AFF2: variants seen among roughly 807,000 people sequenced by gnomAD.
AFF2 encodes AF4/FMR2 family member 2.
A neutral mutation model predicts 76.9 loss-of-function variants in AFF2; 14 were observed. The observed-to-expected ratio is 0.18, with a 90% CI of 0.12 to 0.28. The LOEUF (loss-of-function observed/expected upper bound fraction) is 0.28. Among genes scored for constraint, AFF2 ranks in the 10% least tolerant of loss-of-function variants. AFF2 has a pLI of 1.00. For missense variants in AFF2, 868 were observed against 1,001.1 expected (o/e 0.87, Z 1.79); for synonymous variants, 398 against 366.7 (o/e 1.09, Z -0.98).
intron 3 of AFF2, among the ~76,000 whole-genome samples, chrX:148,743,604 A>G (rs1485012284): frequency 9.1e-6 from 1 of 110,066 alleles, no homozygotes; most frequent in East Asian, 2.9e-4. Context: ...TTTATTTCCT[A>G]TTTTCTTCTT....
chrX:148,605,582 C>T (rs782761692), intron 1 of AFF2, among the ~76,000 whole-genome samples: 28 of 111,491 alleles, frequency 2.5e-4, no homozygotes, highest in East Asian at 1.1e-3. Context: ...TAATTGAGTC[C>T]GGCACTGGGG....
intron 7 of AFF2, among the ~76,000 whole-genome samples, chrX:148,854,583 T>C (rs782816485): frequency 1.8e-5 from 2 of 111,057 alleles, no homozygotes; most frequent in Non-Finnish European, 3.8e-5. Context: ...TTCTGGGAAG[T>C]TGGGGAATGC....
intron 1 of AFF2, among the ~76,000 whole-genome samples, chrX:148,628,285 AT>A (rs1569552350): frequency 1.8e-5 from 2 of 111,147 alleles, no homozygotes; most frequent in Non-Finnish European, 3.8e-5. Flanking sequence ...TTATATATTA[AT>A]ATACTTTAAT....
chrX:148,667,896 G>C (rs2054376391), intron 3 of AFF2, among the ~76,000 whole-genome samples: 1 of 111,636 alleles, frequency 9.0e-6, no homozygotes, highest in South Asian at 3.7e-4. Context: ...CTTCCCAACA[G>C]TACCCCAAAG....
At chrX:148,875,222 T>C (rs189800412) in intron 7 of AFF2, among the ~76,000 whole-genome samples, 2 of 112,410 alleles carry the variant, frequency 1.8e-5, no homozygotes, top group Non-Finnish European at 3.8e-5. Flanking sequence ...AATCCTCATT[T>C]TGTTAAAACA....
At chrX:148,968,313 G>A (rs2072206535) in intron 15 of AFF2, among the ~76,000 whole-genome samples, 1 of 111,292 alleles carries the variant, frequency 9.0e-6, no homozygotes, top group Non-Finnish European at 1.9e-5. Context: ...ATTTGGCTGA[G>A]GCTCCTAACA....
intron 1 of AFF2, among the ~76,000 whole-genome samples, chrX:148,643,206 G>A (rs2124445692): frequency 8.9e-6 from 1 of 112,088 alleles, no homozygotes; most frequent in South Asian, 3.7e-4. Context: ...GACAAGAGTG[G>A]AAGTGGTAAT....
intron 7 of AFF2, among the ~76,000 whole-genome samples, chrX:148,878,975 C>T (rs1043052068): frequency 8.9e-6 from 1 of 111,893 alleles, no homozygotes; most frequent in African/African-American, 3.3e-5. Context: ...GACAGTAGAG[C>T]AGAAAATTGG....
At chrX:148,784,645 C>A (rs1354834291) in intron 3 of AFF2, among the ~76,000 whole-genome samples, 1 of 111,614 alleles carries the variant, frequency 9.0e-6, no homozygotes, top group African/African-American at 3.3e-5. Context: ...CCATTTGGAA[C>A]AAGATTTATA....
chrX:148,628,575 A>G (rs1453011057), intron 1 of AFF2, among the ~76,000 whole-genome samples: 1 of 109,801 alleles, frequency 9.1e-6, no homozygotes, highest in Non-Finnish European at 1.9e-5. Flanking sequence ...AGGTAACCAA[A>G]AAAAAAAAAA....
At chrX:148,873,798 T>G (rs2071005414) in intron 7 of AFF2, among the ~76,000 whole-genome samples, 1 of 111,618 alleles carries the variant, frequency 9.0e-6, no homozygotes, top group Admixed American at 9.6e-5. Context: ...AAGTCATAAT[T>G]GTACATCTGA....
intron 3 of AFF2, among the ~76,000 whole-genome samples, chrX:148,804,022 C>T (rs181155482): frequency 9.0e-6 from 1 of 111,569 alleles, no homozygotes; most frequent in African/African-American, 3.3e-5. Context: ...AGCCAGTTTA[C>T]AAGGCAACCA....
At chrX:148,887,350 T>C (rs782244700) in intron 8 of AFF2, among the ~76,000 whole-genome samples, 21 of 112,108 alleles carry the variant, frequency 1.9e-4, no homozygotes, top group African/African-American at 6.1e-4. Flanking sequence ...AATACGCCAA[T>C]AGCAGGAGCA....
rs372634048 is a variant in AFF2, at chrX:148,539,433, G to A, written c.47+38289G>A. 6.3e-3 allele frequency among the ~76,000 whole-genome samples: 704 copies of A among 111,335 alleles called. 5 individuals are homozygous for A. The highest frequency in any genetic ancestry group is 0.019 in the Middle Eastern group (4 of 215). On this transcript the variant is annotated intron_variant, in intron 1 of 20. Transcript: ENST00000370460. The stretch of plus-strand genomic sequence containing the variant: ...CTCTCGGTTTCCTCATCTGTAAAAT[G>A]AGGAGACTGATACTCATTATACAGG...
Position 148,792,780 on chromosome X carries a change from C to A in AFF2, c.1042-17096C>A, listed in dbSNP as rs142469496. Among the ~76,000 whole-genome samples the A allele has an allele frequency of 2.7e-5, 3 of 111,904 alleles. No individual in the cohort carries two copies. The East Asian group carries it at 8.5e-4, about 32-fold the overall frequency. ...GAACCCCATTGAAAGCGATCATTTT[C>A]TCTTTGATGTGGCCTTTCCATTTAA... is the stretch of plus-strand genomic sequence containing the variant. On this transcript the variant is annotated intron_variant, in intron 3 of 20. Coordinates refer to ENST00000370460, the MANE Select transcript of AFF2 (RefSeq NM_002025.4).
At chrX:148,701,026 G>GAA (rs1557261830) in intron 3 of AFF2, among the ~76,000 whole-genome samples, 145 of 108,168 alleles carry the variant, frequency 1.3e-3, no homozygotes, top group African/African-American at 4.8e-3. Flanking sequence ...GTGTGTGTGT[G>GAA]TGTGTGTGTG....
intron 19 of AFF2, among the ~76,000 whole-genome samples, chrX:148,985,476 G>A (rs974943076): frequency 2.8e-5 from 3 of 107,652 alleles, no homozygotes; most frequent in Admixed American, 1.0e-4. Flanking sequence ...AACTTCTTTC[G>A]ACATTTGTGG....
chrX:148,596,575 C>T (rs782188400), intron 1 of AFF2, among the ~76,000 whole-genome samples: 35 of 111,976 alleles, frequency 3.1e-4, no homozygotes, highest in Non-Finnish European at 5.5e-4. Flanking sequence ...TCAGGATTTC[C>T]CTGGAATTTC....
chrX:148,664,089 C>A (rs1569552791), intron 3 of AFF2, among the ~76,000 whole-genome samples: 1 of 111,329 alleles, frequency 9.0e-6, no homozygotes, highest in African/African-American at 3.3e-5. Context: ...GTGAGAGCCC[C>A]TCTTGACTGG....
Sources: allele counts gnomAD v4.1 joint callset (sites outside exome capture counted in the v4.1 genomes callset), GRCh38; gene constraint gnomAD v4.1.1; transcripts MANE v1.5; gene names NCBI Gene and HGNC (gene_info 2026-07-23, HGNC 2026-07-21).